The following PLAUR variants were observed in gnomAD, a reference collection of about 807,000 sequenced individuals.
PLAUR encodes plasminogen activator, urokinase receptor.
A neutral mutation model predicts 33.4 loss-of-function variants in PLAUR; 22 were observed. The observed-to-expected ratio is 0.66, with a 90% CI of 0.47 to 0.94. The LOEUF is 0.94. Among genes scored for constraint, PLAUR ranks in the 40% least tolerant of loss-of-function variants. The pLI, the probability that PLAUR is intolerant of heterozygous loss-of-function variation, is 0.00. For missense variants in PLAUR, 408 were observed against 434.7 expected, an observed-to-expected ratio of 0.94 and a Z score of 0.55; for synonymous variants, 148 against 167.3, an observed-to-expected ratio of 0.88 and a Z score of 0.89.
intron 3 of PLAUR, 65 bp downstream of exon 3, chr19:43,665,251 G>T: frequency 1.3e-6 from 2 of 1,520,794 alleles, no homozygotes; most frequent in Non-Finnish European, 1.8e-6. Flanking sequence ...AATAGGATTG[G>T]GATGATGATG....
chr19:43,667,546 C>G (rs759637085), intron 2 of PLAUR, 35 bp downstream of exon 2: 14 of 1,412,986 alleles, frequency 9.9e-6, no homozygotes, highest in Middle Eastern at 1.9e-4. Flanking sequence ...TTCCATGCTG[C>G]GCTGGAGGGG....
At chr19:43,658,638 C>T (rs1974307422) in intron 3 of PLAUR, among the ~76,000 whole-genome samples, 1 of 152,164 alleles carries the variant, frequency 6.6e-6, no homozygotes, top group Non-Finnish European at 1.5e-5. Context: ...GCCCTTGGCT[C>T]ACACCATTTC....
chr19:43,648,895 T>C lies in PLAUR; in HGVS notation c.1003A>G (p.Thr335Ala). 1 of 1,612,984 alleles carries C rather than the reference T, an allele frequency of 6.2e-7. No homozygotes were observed. Among genetic ancestry groups the C allele is most frequent in the Non-Finnish European group, 8.5e-7 (1 of 1,179,408 alleles). Residue 335 changes from threonine (T) to alanine (A), a missense_variant, in exon 7 of 7, where the codon ACC (threonine) becomes GCC (alanine). Thr to Ala is a moderately conservative substitution (Grantham distance 58). Coordinates refer to ENST00000340093, the MANE Select transcript of PLAUR (RefSeq NM_002659.4). ...CAGAGAGGGGGATTTCAGGTTTAGG[T>C]CCAGAGGAGAGTGCCTCCCCACAGT... ...ARLWGGTLLW[T>A]
Position 43,665,315 on chromosome 19 carries a change from C to T in PLAUR, c.310+1G>A. The T allele has an allele frequency of 6.2e-7, 1 of 1,613,928 alleles. No homozygotes were observed. The highest frequency in any genetic ancestry group is 8.5e-7 in the Non-Finnish European group (1 of 1,179,946). Reference sequence around the variant, plus strand: ...GGGATGGCAAGGGCTGCCCTACTCACCAGAGTTGCCCTGGTTGCACAAGTC... The same window carrying T: ...GGGATGGCAAGGGCTGCCCTACTCATCAGAGTTGCCCTGGTTGCACAAGTC... On this transcript the variant is annotated splice_donor_variant, in intron 3 of 6. Transcript: ENST00000340093. LOFTEE classifies it high-confidence loss of function.
intron 6 of PLAUR, chr19:43,651,776 A>T: frequency 1.0e-6 from 1 of 989,182 alleles, no homozygotes; most frequent in South Asian, 4.6e-5. Flanking sequence ...GAGACCAAAA[A>T]GTTTGAGAAC....
At chr19:43,658,222 T>C (rs891348306) in intron 3 of PLAUR, among the ~76,000 whole-genome samples, 1 of 152,076 alleles carries the variant, frequency 6.6e-6, no homozygotes. Context: ...AGTAGCACCA[T>C]GGGAAAGTTC....
intron 1 of PLAUR, chr19:43,667,923 A>C: frequency 7.3e-7 from 1 of 1,374,060 alleles, no homozygotes; most frequent in Non-Finnish European, 9.4e-7. Context: ...TCCTTTCCCA[A>C]AGTCCTGCCT....
chr19:43,647,608 A>T (rs186144055), downstream of PLAUR, among the ~76,000 whole-genome samples: 214 of 152,202 alleles, frequency 1.4e-3, no homozygotes, highest in African/African-American at 4.7e-3. Flanking sequence ...GGAGTTTGAG[A>T]CCAGCCTGAA....
chr19:43,661,212 C>A (rs1434972455), intron 3 of PLAUR: 1 of 152,178 alleles, frequency 6.6e-6, no homozygotes, highest in Non-Finnish European at 1.5e-5. Flanking sequence ...ATTCTGGCAG[C>A]CCCAAACTCC....
At chr19:43,655,111 T>C (rs1974148798) in intron 5 of PLAUR, among the ~76,000 whole-genome samples, 1 of 151,788 alleles carries the variant, frequency 6.6e-6, no homozygotes, top group Non-Finnish European at 1.5e-5. Flanking sequence ...CCCCCATCTC[T>C]ACTAAAAATA....
intron 6 of PLAUR, among the ~76,000 whole-genome samples, chr19:43,650,883 A>G (rs1301683776): frequency 1.3e-5 from 2 of 151,628 alleles, no homozygotes; most frequent in Admixed American, 6.6e-5. Flanking sequence ...AATTACAAAA[A>G]TAAGCTGGGC....
intron 5 of PLAUR, 22 bp from the exon 6 acceptor site, chr19:43,652,393 C>T: frequency 6.2e-7 from 1 of 1,610,006 alleles, no homozygotes; most frequent in South Asian, 1.1e-5. Flanking sequence ...ACCAGAGACA[C>T]AGAGACCAAG....
chr19:43,668,737 G>A (rs1309184334), intron 1 of PLAUR, among the ~76,000 whole-genome samples: 7 of 145,920 alleles, frequency 4.8e-5, no homozygotes, highest in Non-Finnish European at 1.0e-4. Context: ...TGCCCCTCAA[G>A]AGTCTAGTCC....
In PLAUR at chr19:43,665,402, C is replaced by T; in HGVS notation, c.224G>A (p.Arg75Lys). 2 of 1,613,542 alleles carry T rather than the reference C, an allele frequency of 1.2e-6. No individual in the cohort carries two copies. The highest frequency in any genetic ancestry group is 1.7e-6 in the Non-Finnish European group (2 of 1,179,838). Residue 75 changes from arginine (R) to lysine (K), a missense_variant, in exon 3 of 7, where the codon AGG becomes AAG. Transcript: ENST00000340093. ...KSCTHSEKTN[R>K]TLSYRTGLKI... ...CAAGCCAGTCCGATAGCTCAGGGTC[C>T]TGTTGGTCTTCTCTGAGTGGGTACA... is the stretch of plus-strand genomic sequence containing the variant.
intron 2 of PLAUR, 161 bp downstream of exon 2, chr19:43,667,420 T>C: frequency 1.6e-6 from 1 of 622,008 alleles, no homozygotes; most frequent in South Asian, 1.8e-5. Context: ...ACCCGGGTAT[T>C]GTCAGATTTT....
chr19:43,664,717 C>T (rs560649982), intron 3 of PLAUR, among the ~76,000 whole-genome samples: 3 of 152,328 alleles, frequency 2.0e-5, no homozygotes, highest in East Asian at 3.9e-4. Context: ...TCCCCTCTTT[C>T]GACTTCCCTT....
chr19:43,658,101 T>C (rs1002520454), intron 3 of PLAUR, among the ~76,000 whole-genome samples: 4 of 152,014 alleles, frequency 2.6e-5, no homozygotes, highest in African/African-American at 9.7e-5. Context: ...CTGGATATTA[T>C]GGAAATGATG....
chr19:43,670,089 A>AGCAGCAGCG lies in PLAUR; in HGVS notation c.23_31dup (p.Pro8_Leu10dup), dbSNP rs761914709. 8.7e-6 allele frequency: 14 copies of AGCAGCAGCG among 1,613,188 alleles called. No homozygotes were observed. Among genetic ancestry groups the AGCAGCAGCG allele is most frequent in the East Asian group, 4.5e-5 (2 of 44,844 alleles). ...ACCTGGGACGCAGGTGTGGAGCAGC[A>AGCAGCAGCG]GCAGCAGCGGCAGCAGCGGCGGGTG... On this transcript the variant is annotated inframe_insertion, in exon 1 of 7. Coordinates refer to ENST00000340093, the MANE Select transcript of PLAUR (RefSeq NM_002659.4).
rs1967180553 is a variant in PLAUR at position 43,665,324 on chromosome 19, C to G, written c.302G>C (p.Gly101Ala). 10 of 1,613,944 alleles carry G rather than the reference C, an allele frequency of 6.2e-6. No homozygotes were observed. Among genetic ancestry groups the G allele is most frequent in the Non-Finnish European group, 8.5e-6 (10 of 1,179,998 alleles). ...AGGGCTGCCCTACTCACCAGAGTTGCCCTGGTTGCACAAGTCTAACCCACA... is the reference window on the plus strand; with the variant it reads ...AGGGCTGCCCTACTCACCAGAGTTGGCCTGGTTGCACAAGTCTAACCCACA... ...VVCGLDLCNQ[G>A]NSGRAVTYSR... Residue 101 changes from glycine to alanine, a missense_variant, in exon 3 of 7, where the codon GGC becomes GCC. Coordinates refer to ENST00000340093, the MANE Select transcript of PLAUR (RefSeq NM_002659.4).
Sources: allele counts gnomAD v4.1 joint callset (sites outside exome capture counted in the v4.1 genomes callset), GRCh38; gene constraint gnomAD v4.1.1; transcripts MANE v1.5; gene names NCBI Gene and HGNC (gene_info 2026-07-23, HGNC 2026-07-21).